The following VENTX variants were observed in gnomAD, a reference collection of about 807,000 sequenced individuals.
The protein encoded by VENTX is VENT homeobox, also known as homeobox protein VENTX.
VENTX carries 13 observed loss-of-function variants against 10.5 expected under a neutral mutation model. That is an observed-to-expected ratio of 1.23 (90% CI 0.80 to 1.96). VENTX has a LOEUF of 1.96. Among genes scored for constraint, VENTX ranks in the 30% most tolerant of loss-of-function variants. The pLI is 0.00. For missense variants in VENTX, 400 were observed against 341.8 expected (o/e 1.17, Z -1.34); for synonymous variants, 177 against 150.4 (o/e 1.18, Z -1.29).
At position 133,237,904 on chromosome 10, in the gene VENTX, A is replaced by G. The variant is rs1281385902; in HGVS notation, c.-11A>G. ...CCCCGCCTGGCCTTCCCTCCGGCCC[A>G]CCTGGCCGCCATGCGCCTCTCCTCC... On this transcript the variant is annotated 5_prime_UTR_variant, in exon 1 of 3. Transcript: ENST00000325980. 1 of 1,572,690 alleles carries G rather than the reference A, an allele frequency of 6.4e-7. No individual in the cohort carries two copies. The highest frequency in any genetic ancestry group is 8.6e-7 in the Non-Finnish European group (1 of 1,165,098).
Position 133,240,135 on chromosome 10 carries a change from C to T in VENTX, c.606C>T (p.Phe202=), listed in dbSNP as rs756915577. 1.2e-6 allele frequency: 2 copies of T among 1,609,716 alleles called. No individual in the cohort carries two copies. The highest frequency in any genetic ancestry group is 1.1e-5 in the South Asian group (1 of 91,024). Residue 202 remains phenylalanine, a synonymous_variant, in exon 3 of 3, where the codon TTC becomes TTT. Transcript: ENST00000325980. The part of the protein sequence containing the change: ...PQALMLPPGS[F]WGLCQVAQEA... Reference sequence around the variant, plus strand: ...CTCTGATGCTGCCCCCTGGCTCCTTCTGGGGTCTCTGCCAAGTGGCACAAG... The same window carrying T: ...CTCTGATGCTGCCCCCTGGCTCCTTTTGGGGTCTCTGCCAAGTGGCACAAG...
Position 133,239,696 on chromosome 10 carries a change from A to AC in VENTX, c.264dup (p.Arg90AlafsTer175), listed in dbSNP as rs1208861579. ...GTCAGGGTTGAGTAAGGAGCCAAATACCTTGCGGGCCCCCCGTGTCCGCAC... is the reference window on the plus strand; with the variant it reads ...GTCAGGGTTGAGTAAGGAGCCAAATACCCTTGCGGGCCCCCCGTGTCCGCAC... On this transcript the variant is annotated frameshift_variant, in exon 2 of 3. Coordinates refer to ENST00000325980, the MANE Select transcript of VENTX (RefSeq NM_014468.4). LOFTEE classifies it high-confidence loss of function. The AC allele has an allele frequency of 6.2e-7, 1 of 1,610,820 alleles. No homozygotes were observed. Among genetic ancestry groups the AC allele is most frequent in the Non-Finnish European group, 8.5e-7 (1 of 1,179,984 alleles).
Position 133,237,976 on chromosome 10 carries a change from A to G in VENTX, c.62A>G (p.Asp21Gly). 1 of 1,600,756 alleles carries G rather than the reference A, an allele frequency of 6.2e-7. No homozygotes were observed. Among genetic ancestry groups the G allele is most frequent in the Non-Finnish European group, 8.5e-7 (1 of 1,177,414 alleles). ...PQQLSSFGSV[D>G]WLSQSSCSGP... ...CAGCTCTCCAGCTTTGGCTCCGTGG[A>G]CTGGCTCTCCCAGAGCAGCTGCTCA... Residue 21 changes from aspartate to glycine, a missense_variant, in exon 1 of 3, where the codon GAC (aspartate) becomes GGC (glycine). Asp to Gly is a moderately conservative substitution (Grantham distance 94). Coordinates refer to ENST00000325980, the MANE Select transcript of VENTX (RefSeq NM_014468.4).
chr10:133,238,721 G>A (rs540534777), intron 1 of VENTX, among the ~76,000 whole-genome samples: 1 of 152,342 alleles, frequency 6.6e-6, no homozygotes, highest in South Asian at 2.1e-4. Context: ...TGTCTGCTGA[G>A]AACAAAGGTT....
rs1289325738 is a variant in VENTX, at chr10:133,238,173, G to A, written c.241+18G>A. ...CATGGCCGGTAGGTCCGGGTGGGGG[G>A]GGTCCCTTCCTTCCCAGGTGGAGAT... On this transcript the variant is annotated intron_variant, in intron 1 of 2. Transcript: ENST00000325980. The A allele has an allele frequency of 1.9e-6, 3 of 1,572,792 alleles. No homozygotes were observed. Among genetic ancestry groups the A allele is most frequent in the Admixed American group, 1.8e-5 (1 of 56,710 alleles).
Position 133,241,595 on chromosome 10 carries a change from C to G in VENTX, c.*1289C>G, listed in dbSNP as rs1245142713. The G allele has an allele frequency of 1.3e-5, 2 of 152,252 alleles. No individual in the cohort carries two copies. Among genetic ancestry groups the G allele is most frequent in the African/African-American group, 4.8e-5 (2 of 41,466 alleles). The allele number at this position is 152,252 out of a possible 1,614,324, so 9.4% of individuals were successfully genotyped here. A position where few individuals can be genotyped will look rare whatever the true frequency, so the allele number is the denominator to read the frequency against. On this transcript the variant is annotated 3_prime_UTR_variant, in exon 3 of 3. Transcript: ENST00000325980. ...GGGTGCCCAGGCAGACGGGTTCAGC[C>G]TGCAGAACTGGAGGCGACCTGTGAA...
At chr10:133,238,228 G>A in intron 1 of VENTX, 73 bp downstream of exon 1, 1 of 1,477,902 alleles carries the variant, frequency 6.8e-7, no homozygotes, top group African/African-American at 1.4e-5. Context: ...GGAGCCCGGC[G>A]GCTGCACTCC....
chr10:133,238,250 T>C, intron 1 of VENTX, 95 bp downstream of exon 1: 1 of 1,428,794 alleles, frequency 7.0e-7, no homozygotes, highest in East Asian at 2.4e-5. Flanking sequence ...CGCGGTGCCC[T>C]GCCCACTAGG....
At chr10:133,239,653 A>C in intron 1 of VENTX, 23 bp from the exon 2 acceptor site, 1 of 1,610,190 alleles carries the variant, frequency 6.2e-7, no homozygotes, top group Non-Finnish European at 8.5e-7. Flanking sequence ...TGTTGAGCCA[A>C]ATGCCCTTAC....
Position 133,239,956 on chromosome 10 carries a change from C to T in VENTX, c.427C>T (p.Arg143Cys), listed in dbSNP as rs150884840. ...VQIKTWFQNR[R>C]MKHKRQMQDP... ...GATAAAAACCTGGTTTCAGAATCGC[C>T]GCATGAAACACAAACGGCAAATGCA... Residue 143 changes from arginine to cysteine, a missense_variant, in exon 3 of 3, where the codon CGC (arginine) becomes TGC (cysteine). By Grantham distance (180) the Arg-to-Cys change is radical (BLOSUM62 -3). Transcript: ENST00000325980. 740 of 1,612,384 alleles carry T rather than the reference C, an allele frequency of 4.6e-4. 3 individuals carry two copies. Among genetic ancestry groups the T allele is most frequent in the African/African-American group, 3.5e-4 (26 of 74,880 alleles).
intron 1 of VENTX, among the ~76,000 whole-genome samples, chr10:133,238,479 C>A (rs1845884475): frequency 1.3e-5 from 2 of 152,310 alleles, no homozygotes; most frequent in South Asian, 4.1e-4. Context: ...CCCGTCCGCA[C>A]CTCCCTGCCC....
Position 133,240,413 on chromosome 10 carries a change from C to A in VENTX, c.*107C>A. 1 of 1,354,524 alleles carries A rather than the reference C, an allele frequency of 7.4e-7. No individual in the cohort carries two copies. The highest frequency in any genetic ancestry group is 2.6e-5 in the East Asian group (1 of 39,168). 83.9% of individuals were successfully genotyped at this position (1,354,524 alleles called of 1,614,324 possible). On this transcript the variant is annotated 3_prime_UTR_variant, in exon 3 of 3. Transcript: ENST00000325980. ...ATCCTGGTGGCACCTCTCACCCTGACCCACACAAAGGTTCTGGAGATTACT... is the reference window on the plus strand; with the variant it reads ...ATCCTGGTGGCACCTCTCACCCTGAACCACACAAAGGTTCTGGAGATTACT...
rs1374698819 is a variant in VENTX at position 133,238,169 on chromosome 10, G to C, written c.241+14G>C. The C allele has an allele frequency of 6.4e-6, 10 of 1,564,216 alleles. No homozygotes were observed. The highest frequency in any genetic ancestry group is 1.6e-5 in the African/African-American group (1 of 63,324). ...GGACCATGGCCGGTAGGTCCGGGTG[G>C]GGGGGGTCCCTTCCTTCCCAGGTGG... On this transcript the variant is annotated intron_variant, in intron 1 of 2. Transcript: ENST00000325980.
At chr10:133,238,284 A>AGGGCCGGCGGAGGCC in intron 1 of VENTX, 129 bp downstream of exon 1, 1 of 1,256,838 alleles carries the variant, frequency 8.0e-7, no homozygotes, top group Non-Finnish European at 1.0e-6. Flanking sequence ...CGTTTCCATG[A>AGGGCCGGCGGAGGCC]GGGCCGGCGG....
chr10:133,240,217 C>A lies in VENTX; in HGVS notation c.688C>A (p.Pro230Thr), dbSNP rs9419033. 0.072 allele frequency: 115,302 copies of A among 1,610,908 alleles called. 4,759 individuals are homozygous for A. The highest frequency in any genetic ancestry group is 0.16 in the Admixed American group (9,473 of 59,838). Residue 230 changes from proline to threonine, a missense_variant, in exon 3 of 3, where the codon CCT (proline) becomes ACT (threonine). By Grantham distance (38) the Pro-to-Thr change is conservative. Coordinates refer to ENST00000325980, the MANE Select transcript of VENTX (RefSeq NM_014468.4). ...CGGGCAGCCTCTGGCGTCCCACCCCCCTACCCCAGGCCGGCCTTCGCTGGG... is the reference window on the plus strand; with the variant it reads ...CGGGCAGCCTCTGGCGTCCCACCCCACTACCCCAGGCCGGCCTTCGCTGGG... Reference protein sequence around the residue: ...CCGQPLASHPPTPGRPSLGPA... With the variant: ...CCGQPLASHPTTPGRPSLGPA...
chr10:133,238,054 G>A lies in VENTX; in HGVS notation c.140G>A (p.Gly47Asp). The change falls in exon 1 of 3, where the codon GGC becomes GAC. Residue 47 changes from glycine to aspartate, a missense_variant. Coordinates refer to ENST00000325980, the MANE Select transcript of VENTX (RefSeq NM_014468.4). ...GACTTCTCCCTGGGGAGCCTCCCTG[G>A]CCCAGGCCAGACATCCGGCGCCCGG... ...PADFSLGSLP[G>D]PGQTSGAREP... 6.3e-7 allele frequency: 1 copy of A among 1,599,260 alleles called. No individual in the cohort carries two copies. The highest frequency in any genetic ancestry group is 1.1e-5 in the South Asian group (1 of 89,046).
rs1845930200 is a variant in VENTX at position 133,241,095 on chromosome 10, G to A, written c.*789G>A. On this transcript the variant is annotated 3_prime_UTR_variant, in exon 3 of 3. Coordinates refer to ENST00000325980, the MANE Select transcript of VENTX (RefSeq NM_014468.4). ...AACAGGGAATGCAGGTGTGTTTATA[G>A]CGTTGTGGTTCAAGTCCCTCTTAAC... 6.6e-6 allele frequency: 1 copy of A among 152,390 alleles called. No homozygotes were observed. The allele number at this position is 152,390 out of a possible 1,614,324, so 9.4% of individuals were successfully genotyped here. A position where few individuals can be genotyped will look rare whatever the true frequency, so the allele number is the denominator to read the frequency against.
intron 1 of VENTX, among the ~76,000 whole-genome samples, chr10:133,239,215 A>T (rs1271817718): frequency 6.6e-6 from 1 of 152,208 alleles, no homozygotes; most frequent in Non-Finnish European, 1.5e-5. Context: ...TCCTTAACTT[A>T]GAAATTAGGA....
rs777332130 is a variant in VENTX, at chr10:133,240,035, T to G, written c.506T>G (p.Phe169Cys). ...FSGSLHAPPA[F>C]YSTSSGLANG... Reference sequence around the variant, plus strand: ...GGGTCTCTCCATGCGCCCCCAGCTTTCTACTCAACGTCTTCTGGCCTTGCC... The same window carrying G: ...GGGTCTCTCCATGCGCCCCCAGCTTGCTACTCAACGTCTTCTGGCCTTGCC... Residue 169 changes from phenylalanine to cysteine, a missense_variant, in exon 3 of 3, where the codon TTC becomes TGC. Physicochemically the swap from Phe to Cys is radical, Grantham distance 205. Transcript: ENST00000325980. 2.5e-6 allele frequency: 4 copies of G among 1,611,924 alleles called. No individual in the cohort carries two copies. The highest frequency in any genetic ancestry group is 3.4e-6 in the Non-Finnish European group (4 of 1,180,020).
Sources: gnomAD v4.1 joint callset for allele counts (sites outside exome capture counted in the v4.1 genomes callset) on GRCh38, gnomAD v4.1.1 for gene constraint, MANE v1.5 for transcripts, NCBI Gene and HGNC (gene_info 2026-07-23, HGNC 2026-07-21) for gene names.